POLN: variants seen among roughly 807,000 people sequenced by gnomAD.
The protein encoded by POLN is DNA polymerase N.
In POLN, 108 loss-of-function variants were observed where a neutral mutation model predicts 113.5. That is an observed-to-expected ratio of 0.95 (90% CI 0.81 to 1.12). POLN has a LOEUF of 1.12. POLN is among the 50% of genes most tolerant of loss of function. POLN has a pLI of 0.00. For synonymous variants in POLN, 386 were observed against 391.5 expected (o/e 0.99, Z 0.17); for missense variants, 1,097 against 1,077.1 (o/e 1.02, Z -0.26).
At chr4:2,146,819 C>T (rs1732155097) in intron 16 of POLN, among the ~76,000 whole-genome samples, 2 of 152,116 alleles carry the variant, frequency 1.3e-5, no homozygotes, top group South Asian at 4.1e-4. Flanking sequence ...GGCTTGAAGG[C>T]AGGCGAAAGC....
At chr4:2,147,305 T>A (rs988834189) in intron 16 of POLN, among the ~76,000 whole-genome samples, 1 of 152,146 alleles carries the variant, frequency 6.6e-6, no homozygotes, top group African/African-American at 2.4e-5. Flanking sequence ...GGTATTAGAT[T>A]TAAGAATGTG....
At chr4:2,165,452 T>C (rs993319044) in intron 13 of POLN, among the ~76,000 whole-genome samples, 134 of 152,268 alleles carry the variant, frequency 8.8e-4, no homozygotes, top group African/African-American at 3.1e-3. Context: ...GAGCACAGGA[T>C]TTTTAGGGCA....
In POLN at chr4:2,208,140, A is replaced by G. The variant is rs1560094137; in HGVS notation, c.561T>C (p.Ser187=). The G allele has an allele frequency of 5.6e-6, 9 of 1,614,186 alleles. 1 individual carries two copies. The highest frequency in any genetic ancestry group is 1.7e-5 in the Admixed American group (1 of 60,022). The part of the protein sequence containing the change: ...DTDDAEGYLN[S]GNSGALKKHF... ...GTTTTTTCAATGCTCCTGAGTTCCC[A>G]GAATTTAGGTAGCCTTCGGCGTCAT... Residue 187 remains serine (S), a synonymous_variant, in exon 5 of 26, where the codon TCT becomes TCC. Coordinates refer to ENST00000511885, the MANE Select transcript of POLN (RefSeq NM_181808.4).
chr4:2,237,054 T>C (rs1734791783), intron 2 of POLN, among the ~76,000 whole-genome samples: 1 of 152,030 alleles, frequency 6.6e-6, no homozygotes, highest in South Asian at 2.1e-4. Context: ...GTTTTAGATA[T>C]AAAACTCTTC....
At chr4:2,195,459 GT>G (rs58164574) in intron 6 of POLN, among the ~76,000 whole-genome samples, 41,834 of 128,452 alleles carry the variant, frequency 0.33, 10,389 homozygotes, top group African/African-American at 0.69. Context: ...AGGTAATTCT[GT>G]TTTTTTTTTT....
In POLN at chr4:2,081,630, T is replaced by C. The variant is rs1730421585; in HGVS notation, c.2308+3A>G. Reference sequence around the variant, plus strand: ...AGAACTACAGGTAAGAGGCTTCTGGTACCTTGCACCACGAAGTTCACTGCC... The same window carrying C: ...AGAACTACAGGTAAGAGGCTTCTGGCACCTTGCACCACGAAGTTCACTGCC... On this transcript the variant is annotated splice_donor_region_variant and intron_variant, in intron 22 of 25. Transcript: ENST00000511885. 4 of 1,614,074 alleles carry C rather than the reference T, an allele frequency of 2.5e-6. No homozygotes were observed. Among genetic ancestry groups the C allele is most frequent in the Non-Finnish European group, 2.5e-6 (3 of 1,179,900 alleles).
chr4:2,239,161 A>C (rs1391885643), intron 2 of POLN: 1 of 536,614 alleles, frequency 1.9e-6, no homozygotes, highest in African/African-American at 1.9e-5. Flanking sequence ...ATGAAAACTA[A>C]TTTAATATTC....
chr4:2,235,810 A>C (rs1247158053), intron 2 of POLN, among the ~76,000 whole-genome samples: 1 of 152,158 alleles, frequency 6.6e-6, no homozygotes, highest in East Asian at 1.9e-4. Flanking sequence ...GAAAATAATG[A>C]ACAAATTAAG....
intron 17 of POLN, 84 bp from the exon 18 acceptor site, chr4:2,129,340 T>C: frequency 1.1e-6 from 1 of 881,970 alleles, no homozygotes; most frequent in Non-Finnish European, 1.8e-6. Context: ...TATTTGAATA[T>C]TATTCTGAAG....
chr4:2,137,675 T>G (rs898571863), intron 16 of POLN, among the ~76,000 whole-genome samples: 3 of 151,406 alleles, frequency 2.0e-5, no homozygotes, highest in African/African-American at 7.3e-5. Flanking sequence ...CTCCCCAACC[T>G]CTTGAACACT....
intron 7 of POLN, 65 bp from the exon 8 acceptor site, chr4:2,179,530 A>G: frequency 1.3e-6 from 2 of 1,507,954 alleles, no homozygotes; most frequent in South Asian, 1.2e-5. Context: ...CTGCTTTGAC[A>G]AAGTTCTTAA....
At chr4:2,107,852 T>C (rs574763019) in intron 19 of POLN, among the ~76,000 whole-genome samples, 3 of 152,288 alleles carry the variant, frequency 2.0e-5, no homozygotes, top group South Asian at 4.1e-4. Context: ...GGAGCTACAA[T>C]GACCATAACA....
At chr4:2,174,960 C>A (rs1475038159) in intron 9 of POLN, among the ~76,000 whole-genome samples, 3 of 151,856 alleles carry the variant, frequency 2.0e-5, no homozygotes, top group Non-Finnish European at 4.4e-5. Context: ...GTAGGTAGGA[C>A]TACAGGCACC....
intron 7 of POLN, among the ~76,000 whole-genome samples, chr4:2,180,506 C>G (rs953798013): frequency 2.0e-5 from 3 of 152,112 alleles, no homozygotes; most frequent in Admixed American, 6.5e-5. Context: ...TTTATATTTA[C>G]CAAAGCAGCC....
At chr4:2,085,896 G>T in intron 20 of POLN, 152 bp from the exon 21 acceptor site, 1 of 977,650 alleles carries the variant, frequency 1.0e-6, no homozygotes, top group Non-Finnish European at 1.5e-6. Flanking sequence ...GGTGCTAGGT[G>T]CCAATCAATC....
At chr4:2,115,228 A>ATTTTTT in intron 19 of POLN, among the ~76,000 whole-genome samples, 1 of 129,994 alleles carries the variant, frequency 7.7e-6, no homozygotes, top group Non-Finnish European at 1.6e-5. Flanking sequence ...ATATATATAT[A>ATTTTTT]TTTTTTTTTT....
At chr4:2,138,518 C>G (rs557969997) in intron 16 of POLN, among the ~76,000 whole-genome samples, 3 of 152,164 alleles carry the variant, frequency 2.0e-5, no homozygotes, top group African/African-American at 7.2e-5. Flanking sequence ...CAGCCCGGAC[C>G]CCTGGGCTCC....
chr4:2,211,268 T>TAAC (rs1453358466), intron 4 of POLN, among the ~76,000 whole-genome samples: 1 of 146,020 alleles, frequency 6.8e-6, no homozygotes, highest in African/African-American at 2.5e-5. Context: ...ATAATAATAA[T>TAAC]AATAATAATA....
At chr4:2,241,003 A>T (rs923605676) in intron 2 of POLN, 1 of 1,321,860 alleles carries the variant, frequency 7.6e-7, no homozygotes, top group South Asian at 1.3e-5. Flanking sequence ...GTTGATTTTT[A>T]GAAAATAAAT....
Sources: allele counts gnomAD v4.1 joint callset (sites outside exome capture counted in the v4.1 genomes callset), GRCh38; gene constraint gnomAD v4.1.1; transcripts MANE v1.5; gene names NCBI Gene and HGNC (gene_info 2026-07-23, HGNC 2026-07-21).